KIAA1217: variants seen among roughly 807,000 people sequenced by gnomAD.
The protein encoded by KIAA1217 is sickle tail protein homolog.
KIAA1217 carries 88 observed loss-of-function variants against 163.9 expected under a neutral mutation model. That is an observed-to-expected ratio of 0.54 (90% CI 0.45 to 0.64). The LOEUF (loss-of-function observed/expected upper bound fraction) is 0.64, where lower values mean the gene tolerates loss of function less well. Among genes scored for constraint, KIAA1217 ranks in the 30% least tolerant of loss-of-function variants. The pLI is 0.00. For missense variants in KIAA1217, 2,372 were observed against 2,475.0 expected, an observed-to-expected ratio of 0.96 and a Z score of 0.88; for synonymous variants, 903 against 923.1, an observed-to-expected ratio of 0.98 and a Z score of 0.39.
intron 2 of KIAA1217, among the ~76,000 whole-genome samples, chr10:24,250,038 G>A (rs890232113): frequency 2.0e-5 from 3 of 152,166 alleles, no homozygotes; most frequent in African/African-American, 7.2e-5. Flanking sequence ...TGCACCAAAG[G>A]GTGGAGTTGA....
intron 2 of KIAA1217, among the ~76,000 whole-genome samples, chr10:24,352,956 C>A (rs554491230): frequency 2.0e-5 from 3 of 152,078 alleles, no homozygotes; most frequent in Admixed American, 2.0e-4. Context: ...TCCTTATGGG[C>A]TTCCCTAAGT....
At chr10:24,159,707 C>T (rs943674851) in intron 2 of KIAA1217, among the ~76,000 whole-genome samples, 1 of 151,950 alleles carries the variant, frequency 6.6e-6, no homozygotes, top group Non-Finnish European at 1.5e-5. Context: ...GGTGTGAATC[C>T]GGGAGGCAGA....
chr10:24,478,499 G>T (rs560273045), intron 6 of KIAA1217, among the ~76,000 whole-genome samples: 1 of 152,224 alleles, frequency 6.6e-6, no homozygotes, highest in Non-Finnish European at 1.5e-5. Flanking sequence ...GGACTTTGGG[G>T]TACAGTGACA....
intron 2 of KIAA1217, among the ~76,000 whole-genome samples, chr10:24,039,327 AT>A (rs1267772110): frequency 1.3e-5 from 2 of 151,652 alleles, no homozygotes; most frequent in East Asian, 3.9e-4. Context: ...TCCACTTAGG[AT>A]TTTTTCACTT....
At chr10:24,276,375 T>G (rs1381774166) in intron 2 of KIAA1217, among the ~76,000 whole-genome samples, 1 of 152,224 alleles carries the variant, frequency 6.6e-6, no homozygotes, top group Non-Finnish European at 1.5e-5. Flanking sequence ...TCTGCCCGGT[T>G]TGAGGGCATC....
At chr10:23,827,927 G>A (rs1314323157) in intron 1 of KIAA1217, among the ~76,000 whole-genome samples, 1 of 152,176 alleles carries the variant, frequency 6.6e-6, no homozygotes, top group East Asian at 1.9e-4. Flanking sequence ...GTTTGCCCAG[G>A]GAAAGAATGG....
Position 24,089,273 on chromosome 10 carries a change from T to G in KIAA1217, c.-171+81899T>G, listed in dbSNP as rs1262422114. ...CTATTCACTCTGATGGTAGTTTCTT[T>G]TGCTGTGCAGAAGCTCTTTAGTTTA... On this transcript the variant is annotated intron_variant, in intron 2 of 18. Coordinates refer to the KIAA1217 transcript ENST00000376462. 1.6e-5 allele frequency among the ~76,000 whole-genome samples: 2 copies of G among 125,604 alleles called. 1 individual carries two copies. Among genetic ancestry groups the G allele is most frequent in the Non-Finnish European group, 3.9e-5 (2 of 50,830 alleles). The allele number at this position is 125,604 out of a possible 152,430, so 82.4% of individuals were successfully genotyped here. A position where few individuals can be genotyped will look rare whatever the true frequency, so the allele number is the denominator to read the frequency against.
chr10:24,073,920 T>C (rs1326765597), intron 2 of KIAA1217, among the ~76,000 whole-genome samples: 1 of 152,000 alleles, frequency 6.6e-6, no homozygotes, highest in Non-Finnish European at 1.5e-5. Context: ...GGGAGCATAA[T>C]TGGGTGGATT....
chr10:24,473,220 C>G lies in KIAA1217; in HGVS notation c.847-8C>G. ...AGTCAACTTTCTGATCCCTTGTTTT[C>G]TTTTCAGATGCAGAGAGAACTTGTT... On this transcript the variant is annotated splice_polypyrimidine_tract_variant and splice_region_variant and intron_variant, in intron 5 of 20. Transcript: ENST00000376454. 6.6e-7 allele frequency: 1 copy of G among 1,507,008 alleles called. No homozygotes were observed. Among genetic ancestry groups the G allele is most frequent in the Middle Eastern group, 1.8e-4 (1 of 5,556 alleles). 93.4% of individuals were successfully genotyped at this position (1,507,008 alleles called of 1,614,324 possible).
At chr10:23,940,460 CAAAAAAAAAAAAAA>C (rs760090400) in intron 1 of KIAA1217, among the ~76,000 whole-genome samples, 1 of 46,028 alleles carries the variant, frequency 2.2e-5, no homozygotes, top group Non-Finnish European at 4.8e-5. Flanking sequence ...GACTCCGTCT[CAAAAAAAAAAAAAA>C]AAAAAAAAAA....
intron 2 of KIAA1217, among the ~76,000 whole-genome samples, chr10:24,093,151 G>T (rs927468009): frequency 2.6e-5 from 4 of 151,214 alleles, no homozygotes; most frequent in Admixed American, 1.3e-4. Flanking sequence ...GTGTCACCAT[G>T]CCCAGTTATT....
rs1203651254 is a variant in KIAA1217 at position 24,473,514 on chromosome 10, AC to A, written c.1134del (p.Asp378GlufsTer2). 6.2e-7 allele frequency: 1 copy of A among 1,614,048 alleles called. No homozygotes were observed. ...LERRDVKPDE[D>X]MSGKNIAMYR... ...AGAAGAGATGTCAAGCCTGATGAAGACATGAGTGGCAAAAACATTGCAATGT... is the reference window on the plus strand; with the variant it reads ...AGAAGAGATGTCAAGCCTGATGAAGAATGAGTGGCAAAAACATTGCAATGT... On this transcript the variant is annotated frameshift_variant, in exon 6 of 21. Coordinates refer to ENST00000376454, the MANE Select transcript of KIAA1217 (RefSeq NM_019590.5). LOFTEE classifies it high-confidence loss of function.
intron 1 of KIAA1217, among the ~76,000 whole-genome samples, chr10:23,697,285 G>A (rs918660920): frequency 2.0e-5 from 3 of 152,102 alleles, no homozygotes; most frequent in African/African-American, 4.8e-5. Context: ...ATTCCTTCAC[G>A]TATCTAATAA....
intron 2 of KIAA1217, chr10:24,158,615 C>T (rs753100547): frequency 2.9e-5 from 15 of 509,582 alleles, no homozygotes; most frequent in Non-Finnish European, 5.6e-5. Flanking sequence ...CCATCTTTCG[C>T]CTTTACACCA....
chr10:24,327,651 G>A (rs1444904261), intron 2 of KIAA1217, among the ~76,000 whole-genome samples: 1 of 152,034 alleles, frequency 6.6e-6, no homozygotes, highest in Non-Finnish European at 1.5e-5. Context: ...GCTAATTTTT[G>A]TATTTTTGTA....
At chr10:24,430,859 T>G (rs527797460) in intron 3 of KIAA1217, among the ~76,000 whole-genome samples, 2 of 152,362 alleles carry the variant, frequency 1.3e-5, no homozygotes, top group African/African-American at 4.8e-5. Flanking sequence ...CACTTCCTGC[T>G]ATGTGGCCCA....
chr10:24,275,455 C>T (rs1046614086), intron 2 of KIAA1217, among the ~76,000 whole-genome samples: 3 of 152,194 alleles, frequency 2.0e-5, no homozygotes, highest in Non-Finnish European at 2.9e-5. Context: ...TTTAGTTAGA[C>T]GCCACCTGGG....
rs1554789023 is a variant in KIAA1217, at chr10:24,276,625, T to TC, written c.354+56717dup. On this transcript the variant is annotated intron_variant, in intron 2 of 20. Transcript: ENST00000376454. ...AAGTCCAGCTTTTTTTTTTTTTTTT[T>TC]CTGAGATGGAATCTCACTTTGTCAC... Among the ~76,000 whole-genome samples the TC allele has an allele frequency of 5.0e-4, 75 of 148,594 alleles. 1 individual carries two copies. The highest frequency in any genetic ancestry group is 1.4e-3 in the African/African-American group (57 of 40,808).
At chr10:24,523,969 C>T (rs569507009) in intron 12 of KIAA1217, among the ~76,000 whole-genome samples, 3 of 152,074 alleles carry the variant, frequency 2.0e-5, no homozygotes, top group Non-Finnish European at 4.4e-5. Flanking sequence ...AGAATGTGGG[C>T]GGCCCACCCA....
Sources: gnomAD v4.1 joint callset for allele counts (sites outside exome capture counted in the v4.1 genomes callset) on GRCh38, gnomAD v4.1.1 for gene constraint, MANE v1.5 for transcripts, NCBI Gene and HGNC (gene_info 2026-07-23, HGNC 2026-07-21) for gene names.